ABCA12: variants seen among roughly 807,000 people sequenced by gnomAD.
ABCA12 encodes glucosylceramide transporter ABCA12.
Under a neutral mutation model 293.5 loss-of-function variants are expected in ABCA12, and 156 were observed. The ratio of observed to expected loss-of-function variants is 0.53; its 90% CI spans 0.47 to 0.61. ABCA12 has a LOEUF of 0.61. Ranked by LOEUF, ABCA12 falls within the 20% of genes least tolerant of loss-of-function variation. The pLI is 0.00. For missense variants in ABCA12, 2,797 were observed against 3,090.2 expected (o/e 0.91, Z 2.25); for synonymous variants, 1,063 against 1,108.0 (o/e 0.96, Z 0.81).
At chr2:215,045,691 T>C in intron 7 of ABCA12, 146 bp downstream of exon 7, 2 of 748,392 alleles carry the variant, frequency 2.7e-6, no homozygotes, top group South Asian at 3.6e-5. Flanking sequence ...ACACTCACCT[T>C]CACTGCTAAA....
At chr2:215,081,510 A>G (rs1300168868) in intron 2 of ABCA12, among the ~76,000 whole-genome samples, 3 of 149,946 alleles carry the variant, frequency 2.0e-5, no homozygotes, top group Admixed American at 1.3e-4. Context: ...AAAAAAGAAA[A>G]AGAAAAAAGA....
intron 8 of ABCA12, 170 bp from the exon 9 acceptor site, chr2:215,032,066 T>C (rs1233869869): frequency 6.8e-7 from 1 of 1,478,718 alleles, no homozygotes; most frequent in East Asian, 2.5e-5. Flanking sequence ...GTTGGAAATA[T>C]TTGTGATATT....
At chr2:215,030,738 G>T (rs2106029309) in intron 9 of ABCA12, among the ~76,000 whole-genome samples, 1 of 152,350 alleles carries the variant, frequency 6.6e-6, no homozygotes, top group Non-Finnish European at 1.5e-5. Context: ...GCAGCAGAAA[G>T]AGGAGGTAGT....
Position 214,949,012 on chromosome 2 carries a change from G to A in ABCA12, c.6962+28C>T, listed in dbSNP as rs775414702. On this transcript the variant is annotated intron_variant, in intron 46 of 52. Coordinates refer to ENST00000272895, the MANE Select transcript of ABCA12 (RefSeq NM_173076.3). ...TTTCTCATTTAAGTATGTTGTACTC[G>A]CTAAATTGAAGCATTAGTTTTTCAT... 1.4e-5 allele frequency: 22 copies of A among 1,538,866 alleles called. No individual in the cohort carries two copies. The East Asian group carries it at 1.8e-4, about 13-fold the overall frequency.
intron 2 of ABCA12, among the ~76,000 whole-genome samples, chr2:215,096,880 G>A (rs1186480485): frequency 6.6e-6 from 1 of 151,918 alleles, no homozygotes; most frequent in Non-Finnish European, 1.5e-5. Flanking sequence ...GGGTCTCTTG[G>A]TCTAATTTTA....
chr2:215,021,196 T>C (rs1417058935), intron 11 of ABCA12, among the ~76,000 whole-genome samples: 3 of 152,198 alleles, frequency 2.0e-5, no homozygotes, highest in Non-Finnish European at 4.4e-5. Context: ...TTTCTTGAAC[T>C]GCAGCATGAA....
intron 23 of ABCA12, among the ~76,000 whole-genome samples, chr2:214,991,724 C>G (rs1021050939): frequency 6.6e-6 from 1 of 152,174 alleles, no homozygotes; most frequent in Non-Finnish European, 1.5e-5. Flanking sequence ...CTATACCTCT[C>G]TCTCAATTGA....
chr2:215,027,706 T>A (rs6717442), intron 9 of ABCA12, among the ~76,000 whole-genome samples: 151,760 of 152,256 alleles, frequency 1, 75,636 homozygotes, highest in East Asian at 1. Flanking sequence ...CCCTTCTGAC[T>A]CTCCGATTCT....
intron 7 of ABCA12, 50 bp from the exon 8 acceptor site, chr2:215,037,115 A>C (rs764262726): frequency 1.4e-6 from 2 of 1,461,346 alleles, no homozygotes; most frequent in Non-Finnish European, 1.9e-6. Flanking sequence ...AGGTTTGCAG[A>C]CAGAAACAAA....
At chr2:215,074,285 T>C (rs1380631002) in intron 2 of ABCA12, among the ~76,000 whole-genome samples, 1 of 152,200 alleles carries the variant, frequency 6.6e-6, no homozygotes, top group Non-Finnish European at 1.5e-5. Context: ...CTAAAACTTA[T>C]TTGTAAACTG....
intron 23 of ABCA12, among the ~76,000 whole-genome samples, chr2:214,992,601 C>T (rs1312992935): frequency 6.9e-6 from 1 of 144,332 alleles, no homozygotes; most frequent in African/African-American, 2.6e-5. Context: ...GTGACTCACA[C>T]CTGTAATCCC....
intron 49 of ABCA12, among the ~76,000 whole-genome samples, chr2:214,944,228 A>G (rs2105919170): frequency 6.6e-6 from 1 of 152,124 alleles, no homozygotes; most frequent in East Asian, 1.9e-4. Context: ...CCTGGCCAAC[A>G]TGCTGAAACC....
intron 24 of ABCA12, 122 bp from the exon 25 acceptor site, chr2:214,989,743 G>A (rs1183298374): frequency 1.9e-6 from 2 of 1,058,314 alleles, no homozygotes. Flanking sequence ...CATTCTCTAA[G>A]CATATTTAAA....
intron 30 of ABCA12, 70 bp from the exon 31 acceptor site, chr2:214,980,713 G>C: frequency 1.9e-6 from 3 of 1,589,100 alleles, no homozygotes; most frequent in Non-Finnish European, 2.6e-6. Context: ...CACAGAGTTG[G>C]CCAGAGTAAA....
intron 23 of ABCA12, among the ~76,000 whole-genome samples, chr2:214,994,217 C>G (rs911925633): frequency 1.3e-5 from 2 of 151,980 alleles, no homozygotes; most frequent in Non-Finnish European, 2.9e-5. Context: ...GGGGGCCCAC[C>G]GAGAGCGGCT....
intron 26 of ABCA12, among the ~76,000 whole-genome samples, chr2:214,989,050 G>A (rs1352306329): frequency 4.0e-5 from 6 of 149,600 alleles, no homozygotes; most frequent in African/African-American, 1.2e-4. Flanking sequence ...GTGGTGGCAC[G>A]TGCCTATAAT....
intron 49 of ABCA12, among the ~76,000 whole-genome samples, chr2:214,943,393 C>T (rs555062859): frequency 6.6e-6 from 1 of 152,082 alleles, no homozygotes; most frequent in African/African-American, 2.4e-5. Context: ...GATCCTCCTG[C>T]CTTGGACCCC....
intron 3 of ABCA12, among the ~76,000 whole-genome samples, chr2:215,061,186 T>A (rs1041628290): frequency 3.3e-5 from 5 of 152,080 alleles, no homozygotes; most frequent in Admixed American, 3.3e-4. Flanking sequence ...TAATAGTTTC[T>A]TTTTTCAGAC....
At chr2:214,997,272 C>A (rs892249138) in intron 23 of ABCA12, among the ~76,000 whole-genome samples, 2 of 152,058 alleles carry the variant, frequency 1.3e-5, no homozygotes, top group Non-Finnish European at 2.9e-5. Context: ...CCGAAATATG[C>A]CATATGTCTA....
Sources: allele counts gnomAD v4.1 joint callset (sites outside exome capture counted in the v4.1 genomes callset), GRCh38; gene constraint gnomAD v4.1.1; transcripts MANE v1.5; gene names NCBI Gene and HGNC (gene_info 2026-07-23, HGNC 2026-07-21).